Variants in TLK2 observed in about 807,000 individuals in gnomAD.
TLK2 encodes the protein tousled like kinase 2.
Under a neutral mutation model 117.3 loss-of-function variants are expected in TLK2, and 6 were observed. The observed-to-expected ratio is 0.05, with a 90% confidence interval of 0.03 to 0.10. TLK2 has a LOEUF of 0.10. TLK2 is among the 10% of genes least tolerant of loss of function. The pLI is 1.00. For missense variants in TLK2, 299 were observed against 901.2 expected (o/e 0.33, Z 8.56); for synonymous variants, 257 against 316.7 (o/e 0.81, Z 2.00).
At chr17:62,561,698 A>T (rs2079291508) in intron 10 of TLK2, among the ~76,000 whole-genome samples, 1 of 152,208 alleles carries the variant, frequency 6.6e-6, no homozygotes, top group African/African-American at 2.4e-5. Context: ...ATACTGGGGG[A>T]AATTTTGTTT....
chr17:62,586,080 GT>G, intron 15 of TLK2, 54 bp from the exon 16 acceptor site: 1 of 1,349,498 alleles, frequency 7.4e-7, no homozygotes, highest in Non-Finnish European at 1.0e-6. Context: ...CTTCACATCA[GT>G]TACCTGTAAT....
At chr17:62,492,670 T>C (rs2073224274) in intron 2 of TLK2, among the ~76,000 whole-genome samples, 1 of 151,128 alleles carries the variant, frequency 6.6e-6, no homozygotes, top group Non-Finnish European at 1.5e-5. Context: ...TTGGCCAGGC[T>C]GTTCTTGAAC....
chr17:62,573,136 G>A (rs1284815821), intron 11 of TLK2, 79 bp from the exon 12 acceptor site: 1 of 1,447,082 alleles, frequency 6.9e-7, no homozygotes, highest in African/African-American at 1.4e-5. Flanking sequence ...GGATACACAA[G>A]TGACAAATTG....
chr17:62,578,122 T>TA (rs2080947818), intron 13 of TLK2, among the ~76,000 whole-genome samples: 1 of 152,180 alleles, frequency 6.6e-6, no homozygotes, highest in Non-Finnish European at 1.5e-5. Flanking sequence ...ACCAGATAGA[T>TA]AACCTGATTT....
intron 7 of TLK2, among the ~76,000 whole-genome samples, chr17:62,544,306 G>C (rs1191614656): frequency 6.6e-6 from 1 of 152,134 alleles, no homozygotes; most frequent in African/African-American, 2.4e-5. Flanking sequence ...ATGACTGGGA[G>C]GCCTCAGGAA....
chr17:62,590,196 C>T (rs2081972653), intron 16 of TLK2, among the ~76,000 whole-genome samples: 2 of 149,924 alleles, frequency 1.3e-5, no homozygotes, highest in African/African-American at 2.4e-5. Flanking sequence ...CTTTGGGAGG[C>T]GGAGGTGGGT....
At position 62,535,586 on chromosome 17, in the gene TLK2, G is replaced by T. The variant is rs528247678; in HGVS notation, c.364-584G>T. On this transcript the variant is annotated intron_variant, in intron 6 of 21. Transcript: ENST00000346027. Reference sequence around the variant, plus strand: ...GTTCGAGACCAGCCTGGCCAACATGGTGAAACCCCGTCTCTACTAAAAATA... The same window carrying T: ...GTTCGAGACCAGCCTGGCCAACATGTTGAAACCCCGTCTCTACTAAAAATA... 1.5e-3 allele frequency among the ~76,000 whole-genome samples: 231 copies of T among 152,032 alleles called. 2 individuals are homozygous for T. Among genetic ancestry groups the T allele is most frequent in the African/African-American group, 5.3e-3 (219 of 41,482 alleles).
chr17:62,499,918 T>G (rs1213426223), intron 2 of TLK2, among the ~76,000 whole-genome samples: 7 of 151,958 alleles, frequency 4.6e-5, no homozygotes, highest in Non-Finnish European at 7.4e-5. Context: ...TCCAAAGTTT[T>G]ATTTATTTCT....
chr17:62,562,437 T>G (rs1473394014), intron 10 of TLK2, among the ~76,000 whole-genome samples: 2 of 152,148 alleles, frequency 1.3e-5, no homozygotes, highest in Admixed American at 6.5e-5. Flanking sequence ...CTTTAAAAAT[T>G]TTAAAACTCT....
chr17:62,557,859 G>A (rs1445494846), intron 9 of TLK2, among the ~76,000 whole-genome samples: 1 of 152,174 alleles, frequency 6.6e-6, no homozygotes, highest in Non-Finnish European at 1.5e-5. Context: ...TTTCTAATAA[G>A]CAATATGTTT....
chr17:62,482,015 G>A (rs2071714648), intron 2 of TLK2, among the ~76,000 whole-genome samples: 1 of 151,804 alleles, frequency 6.6e-6, no homozygotes, highest in African/African-American at 2.4e-5. Flanking sequence ...GCGTGATCTC[G>A]GCTCACTGCA....
chr17:62,552,684 C>T (rs1363875335), intron 8 of TLK2, among the ~76,000 whole-genome samples: 9 of 142,682 alleles, frequency 6.3e-5, no homozygotes, highest in Non-Finnish European at 1.4e-4. Context: ...TTTTTCCCTA[C>T]AGTATTCCAC....
chr17:62,582,448 G>T lies in TLK2; in HGVS notation c.1368+2256G>T, dbSNP rs188952976. Among the ~76,000 whole-genome samples, 104 of 152,046 alleles carry T rather than the reference G, an allele frequency of 6.8e-4. 1 individual carries two copies. Among genetic ancestry groups the T allele is most frequent in the African/African-American group, 2.4e-3 (101 of 41,508 alleles). The stretch of plus-strand genomic sequence containing the variant: ...TAAAATTTTTATTTTTGTGTTTCTT[G>T]ATTGATAGGCTAGAGATTAGTCAGT... On this transcript the variant is annotated intron_variant, in intron 15 of 21. Coordinates refer to ENST00000346027, the MANE Select transcript of TLK2 (RefSeq NM_006852.6).
intron 7 of TLK2, among the ~76,000 whole-genome samples, chr17:62,543,350 G>A (rs1057037702): frequency 1.3e-5 from 2 of 152,068 alleles, no homozygotes; most frequent in Non-Finnish European, 2.9e-5. Flanking sequence ...ATACGTTTTC[G>A]TTTCTTTTGG....
At chr17:62,495,486 T>C (rs2073557209) in intron 2 of TLK2, among the ~76,000 whole-genome samples, 1 of 150,072 alleles carries the variant, frequency 6.7e-6, no homozygotes, top group Admixed American at 6.7e-5. Context: ...GCAGTCTTGG[T>C]TCACTGCAAA....
chr17:62,569,138 C>G (rs930055670), intron 11 of TLK2, among the ~76,000 whole-genome samples: 14 of 151,442 alleles, frequency 9.2e-5, no homozygotes, highest in African/African-American at 3.4e-4. Flanking sequence ...AACCCCTTCT[C>G]TACTAAAAAT....
chr17:62,605,785 A>C (rs1258796093), intron 19 of TLK2, among the ~76,000 whole-genome samples: 2 of 152,120 alleles, frequency 1.3e-5, no homozygotes, highest in Admixed American at 6.5e-5. Flanking sequence ...TGGGAGGATC[A>C]CTTGAGTCCA....
chr17:62,561,970 T>C lies in TLK2; in HGVS notation c.831+1844T>C, dbSNP rs142200464. On this transcript the variant is annotated intron_variant, in intron 10 of 21. Coordinates refer to ENST00000346027, the MANE Select transcript of TLK2 (RefSeq NM_006852.6). ...GAGTAGTATATAACAAAATTTAAAT[T>C]TGTTTCCAAAAGAACTGAAATTGTA... is the stretch of plus-strand genomic sequence containing the variant. Among the ~76,000 whole-genome samples, 103 of 152,334 alleles carry C rather than the reference T, an allele frequency of 6.8e-4. 1 individual carries two copies. Among genetic ancestry groups the C allele is most frequent in the African/African-American group, 2.4e-3 (100 of 41,570 alleles).
At position 62,516,818 on chromosome 17, in the gene TLK2, T is replaced by G. The variant is rs144171998; in HGVS notation, c.82-3955T>G. On this transcript the variant is annotated intron_variant, in intron 2 of 21. Transcript: ENST00000346027. ...GGGGCTGGAAAGCTAGTTTTAGTTCTTATGTTTAGGTCTTTGATGTGTTTT... is the reference window on the plus strand; with the variant it reads ...GGGGCTGGAAAGCTAGTTTTAGTTCGTATGTTTAGGTCTTTGATGTGTTTT... 67 of 1,154,384 alleles carry G rather than the reference T, an allele frequency of 5.8e-5. No individual in the cohort carries two copies. The African/African-American group carries it at 7.1e-4, about 12-fold the overall frequency. The allele number at this position is 1,154,384 out of a possible 1,614,324, so 71.5% of individuals were successfully genotyped here. A position where few individuals can be genotyped will look rare whatever the true frequency, so the allele number is the denominator to read the frequency against.
Sources: allele counts gnomAD v4.1 joint callset (sites outside exome capture counted in the v4.1 genomes callset), GRCh38; gene constraint gnomAD v4.1.1; transcripts MANE v1.5; gene names NCBI Gene and HGNC (gene_info 2026-07-23, HGNC 2026-07-21).